Variants in ODAD4 observed in about 807,000 individuals in gnomAD.
The protein encoded by ODAD4 is outer dynein arm-docking complex subunit 4.
ODAD4 carries 49 observed loss-of-function variants against 51.8 expected under a neutral mutation model. The ratio of observed to expected loss-of-function variants is 0.95; its 90% CI spans 0.75 to 1.20. The LOEUF is 1.20. ODAD4 is among the 50% of genes most tolerant of loss of function. The probability of loss-of-function intolerance (pLI) is 0.00; values close to 1 mark genes in which losing one functional copy is unlikely to be tolerated. For synonymous variants in ODAD4, 235 were observed against 221.3 expected, an observed-to-expected ratio of 1.06 and a Z score of -0.55; for missense variants, 590 against 586.5, an observed-to-expected ratio of 1.01 and a Z score of -0.06.
chr17:41,965,290 G>A lies in ODAD4; in HGVS notation c.1826G>A (p.Arg609Lys), dbSNP rs782045861. The A allele has an allele frequency of 1.3e-6, 1 of 780,036 alleles. No individual in the cohort carries two copies. The highest frequency in any genetic ancestry group is 2.4e-6 in the Non-Finnish European group (1 of 417,680). The allele number at this position is 780,036 out of a possible 1,614,324, so 48.3% of individuals were successfully genotyped here. A position where few individuals can be genotyped will look rare whatever the true frequency, so the allele number is the denominator to read the frequency against. ...KLLEAGRRES[R>K]EIYRRPSGEL... ...CTAGAAGCTGGCAGAAGAGAGTCAA[G>A]AGAAATTTATAGGAGGCCTTCGGGA... Residue 609 changes from arginine to lysine, a missense_variant, in exon 12 of 12, where the codon AGA becomes AAA. Physicochemically the swap from Arg to Lys is conservative, Grantham distance 26. This residue lies in a region of ODAD4 where 226 missense variants were observed against 162.7 expected (regional missense o/e 1.39). Coordinates refer to ENST00000377540, the MANE Select transcript of ODAD4 (RefSeq NM_031421.5).
At chr17:41,944,417 CACACACACACACACACACACACA>C (rs2050550635) in intron 7 of ODAD4, among the ~76,000 whole-genome samples, 1 of 12,530 alleles carries the variant, frequency 8.0e-5, no homozygotes, top group African/African-American at 1.4e-4. Context: ...CACACACACA[CACACACACACACACACACACACA>C]CACACCCCCC....
At chr17:41,959,713 T>G (rs1442823664) in intron 10 of ODAD4, among the ~76,000 whole-genome samples, 1 of 151,840 alleles carries the variant, frequency 6.6e-6, no homozygotes, top group Non-Finnish European at 1.5e-5. Flanking sequence ...GGGATGGTGG[T>G]GACAGAGCCC....
chr17:41,953,337 G>A lies in ODAD4; in HGVS notation c.1343-1880G>A, dbSNP rs9891793. 1.9e-3 allele frequency among the ~76,000 whole-genome samples: 288 copies of A among 152,166 alleles called. 1 individual carries two copies. Among genetic ancestry groups the A allele is most frequent in the African/African-American group, 6.7e-3 (277 of 41,534 alleles). On this transcript the variant is annotated intron_variant, in intron 9 of 11. Coordinates refer to ENST00000377540, the MANE Select transcript of ODAD4 (RefSeq NM_031421.5). ...GCCTCCCAAATTGTTGGGATTACAG[G>A]TGTGAGCCACCGCGACTGGCTGTAA... is the stretch of plus-strand genomic sequence containing the variant.
chr17:41,957,791 CTTTTCTTTTTTT>C (rs2050752914), intron 10 of ODAD4, among the ~76,000 whole-genome samples: 1 of 152,028 alleles, frequency 6.6e-6, no homozygotes, highest in East Asian at 1.9e-4. Context: ...TTTCTTTTTT[CTTTTCTTTTTTT>C]GAGACAAGGT....
intron 9 of ODAD4, among the ~76,000 whole-genome samples, chr17:41,950,246 AG>A (rs1445040931): frequency 6.6e-6 from 1 of 152,232 alleles, no homozygotes; most frequent in African/African-American, 2.4e-5. Context: ...CTGGGATTAC[AG>A]GCATGAGCCA....
chr17:41,933,289 G>A (rs1294991493), intron 1 of ODAD4, among the ~76,000 whole-genome samples: 1 of 151,492 alleles, frequency 6.6e-6, no homozygotes, highest in Non-Finnish European at 1.5e-5. Flanking sequence ...ACAGAGGGTT[G>A]CAGTGAGCCA....
intron 9 of ODAD4, chr17:41,952,540 C>CAAAAAAAAAAAAAAAAAAAAAAAA: frequency 2.7e-5 from 3 of 112,564 alleles, no homozygotes; most frequent in African/African-American, 1.3e-4. Context: ...ACCCTCACTC[C>CAAAAAAAAAAAAAAAAAAAAAAAA]AAAAAAAAAA....
intron 10 of ODAD4, among the ~76,000 whole-genome samples, chr17:41,956,453 T>G (rs1461501249): frequency 6.7e-6 from 1 of 149,044 alleles, no homozygotes; most frequent in African/African-American, 2.5e-5. Flanking sequence ...TCCAAAGTGA[T>G]GGTATTACTG....
Position 41,955,243 on chromosome 17 carries a change from G to A in ODAD4, c.1369G>A (p.Val457Met), listed in dbSNP as rs781868767. 26 of 779,280 alleles carry A rather than the reference G, an allele frequency of 3.3e-5. No individual in the cohort carries two copies. Among genetic ancestry groups the A allele is most frequent in the Admixed American group, 5.1e-5 (3 of 58,818 alleles). 48.3% of individuals were successfully genotyped at this position (779,280 alleles called of 1,614,324 possible). A position where few individuals can be genotyped will look rare whatever the true frequency, so the allele number is the denominator to read the frequency against. Residue 457 changes from valine (V) to methionine (M), a missense_variant, in exon 10 of 12, where the codon GTG becomes ATG. By Grantham distance (21) the Val-to-Met change is conservative. Transcript: ENST00000377540. ...QVKLRDFESA[V>M]NNFEKALERA... is the part of the protein sequence containing the mutation. ...GAAGCTGAGAGACTTCGAGTCAGCC[G>A]TGAACAATTTTGAGAAGGCCCTGGA...
intron 5 of ODAD4, among the ~76,000 whole-genome samples, chr17:41,937,627 C>T (rs998476601): frequency 4.6e-5 from 7 of 152,242 alleles, no homozygotes; most frequent in Non-Finnish European, 7.3e-5. Context: ...CCCACAACCA[C>T]ATCCGGCTAA....
chr17:41,938,809 A>T, intron 6 of ODAD4, 28 bp downstream of exon 6: 1 of 1,607,180 alleles, frequency 6.2e-7, no homozygotes. Context: ...AGGGTGGGGC[A>T]GGTGCCTCCA....
intron 1 of ODAD4, among the ~76,000 whole-genome samples, chr17:41,934,038 C>CTTTTTTTTTTTT (rs782039270): frequency 9.2e-5 from 6 of 65,496 alleles, no homozygotes; most frequent in Admixed American, 2.5e-4. Context: ...TTCTTTCTTT[C>CTTTTTTTTTTTT]TTTTTTTTTT....
chr17:41,956,665 C>G (rs148208976), intron 10 of ODAD4, among the ~76,000 whole-genome samples: 5 of 152,136 alleles, frequency 3.3e-5, no homozygotes, highest in African/African-American at 1.2e-4. Context: ...GGGAGGACCA[C>G]TTAAGCCTGA....
intron 11 of ODAD4, among the ~76,000 whole-genome samples, chr17:41,962,670 G>GT (rs2050821747): frequency 6.6e-6 from 1 of 152,194 alleles, no homozygotes; most frequent in Admixed American, 6.5e-5. Context: ...GGCTACAGTG[G>GT]TTTTCAGTCT....
At chr17:41,952,606 C>G in intron 9 of ODAD4, 1 of 473,188 alleles carries the variant, frequency 2.1e-6, no homozygotes, top group South Asian at 1.6e-5. Context: ...ATGATTTACT[C>G]TCTTGAATAA....
At chr17:41,936,033 G>T (rs2050421332) in intron 3 of ODAD4, among the ~76,000 whole-genome samples, 1 of 152,196 alleles carries the variant, frequency 6.6e-6, no homozygotes, top group Admixed American at 6.5e-5. Flanking sequence ...AAGTAGGCCT[G>T]TCTTTAGCCT....
chr17:41,955,871 G>A (rs782534452), intron 10 of ODAD4, among the ~76,000 whole-genome samples: 1 of 151,788 alleles, frequency 6.6e-6, no homozygotes, highest in Admixed American at 6.6e-5. Context: ...AGAATGCAGT[G>A]GCACTGTTAT....
chr17:41,960,551 G>C (rs1385979393), intron 10 of ODAD4, among the ~76,000 whole-genome samples: 1 of 152,234 alleles, frequency 6.6e-6, no homozygotes, highest in Non-Finnish European at 1.5e-5. Flanking sequence ...GCCCCAGCTG[G>C]GAGGCAGAGC....
At chr17:41,955,379 A>G (rs2050717050) in intron 10 of ODAD4, 62 bp downstream of exon 10, 1 of 721,186 alleles carries the variant, frequency 1.4e-6, no homozygotes, top group East Asian at 2.6e-5. Flanking sequence ...TCAGGCCTTC[A>G]GTTCCCCCTC....
Sources: gnomAD v4.1 joint callset for allele counts (sites outside exome capture counted in the v4.1 genomes callset) on GRCh38, gnomAD v4.1.1 for gene constraint, gnomAD v4.1.1 regional missense constraint, MANE v1.5 for transcripts, NCBI Gene and HGNC (gene_info 2026-07-23, HGNC 2026-07-21) for gene names.